MTR: variants seen among roughly 807,000 people sequenced by gnomAD.
The protein encoded by MTR is methionine synthase.
In MTR, 84 loss-of-function variants were observed where a neutral mutation model predicts 154.8. The ratio of observed to expected loss-of-function variants is 0.54; its 90% confidence interval spans 0.45 to 0.65. The LOEUF (loss-of-function observed/expected upper bound fraction) is 0.65, where lower values mean the gene tolerates loss of function less well. Ranked by LOEUF, MTR falls within the 30% of genes least tolerant of loss-of-function variation. The pLI, the probability that MTR is intolerant of heterozygous loss-of-function variation, is 0.00. For synonymous variants in MTR, 554 were observed against 553.9 expected (o/e 1.00, Z 0.00); for missense variants, 1,275 against 1,570.2 (o/e 0.81, Z 3.18).
At chr1:236,876,808 T>C (rs79547813) in intron 24 of MTR, among the ~76,000 whole-genome samples, 2,830 of 152,284 alleles carry the variant, frequency 0.019, 93 homozygotes, top group African/African-American at 0.065. Flanking sequence ...CAACCTGATA[T>C]ATCAGATTAG....
intron 12 of MTR, among the ~76,000 whole-genome samples, chr1:236,830,892 A>G (rs769930885): frequency 6.6e-6 from 1 of 151,968 alleles, no homozygotes; most frequent in Non-Finnish European, 1.5e-5. Flanking sequence ...TATAGTCATT[A>G]TTTTTCTCTG....
At chr1:236,897,310 G>GCGCGCACACACACACACACACACACA in intron 32 of MTR, among the ~76,000 whole-genome samples, 192 bp downstream of exon 32, 2 of 128,610 alleles carry the variant, frequency 1.6e-5, no homozygotes, top group Non-Finnish European at 3.4e-5. Flanking sequence ...CCACACACAC[G>GCGCGCACACACACACACACACACACA]CACACACACA....
chr1:236,897,494 T>C, intron 32 of MTR, 64 bp from the exon 33 acceptor site: 5 of 1,466,978 alleles, frequency 3.4e-6, no homozygotes, highest in Non-Finnish European at 4.8e-6. Context: ...GCAAATCTTG[T>C]GGAAACTTCT....
intron 16 of MTR, among the ~76,000 whole-genome samples, chr1:236,851,129 CA>C (rs770175672): frequency 5.9e-5 from 9 of 152,114 alleles, no homozygotes; most frequent in Non-Finnish European, 1.3e-4. Context: ...TTTGTGACCC[CA>C]AAATCAATAC....
chr1:236,878,720 G>T (rs1307353388), intron 24 of MTR, among the ~76,000 whole-genome samples: 2 of 152,230 alleles, frequency 1.3e-5, no homozygotes, highest in Admixed American at 1.3e-4. Context: ...TCTAGTGGAT[G>T]AATCGATATT....
intron 5 of MTR, chr1:236,811,776 T>A: frequency 4.6e-6 from 2 of 435,630 alleles, no homozygotes; most frequent in Non-Finnish European, 9.2e-6. Context: ...TAGCAGGCCC[T>A]CAAATAATGT....
chr1:236,797,940 A>G lies in MTR; in HGVS notation c.34+2203A>G, dbSNP rs1660487540. ...GCCACTGCACTCCATCCTGGGTGAGAGAGTGAGACTTAGTCTCCAAAAAAA... is the reference window on the plus strand; with the variant it reads ...GCCACTGCACTCCATCCTGGGTGAGGGAGTGAGACTTAGTCTCCAAAAAAA... On this transcript the variant is annotated intron_variant, in intron 1 of 32. Coordinates refer to ENST00000366577, the MANE Select transcript of MTR (RefSeq NM_000254.3). Among the ~76,000 whole-genome samples, 3 of 145,202 alleles carry G rather than the reference A, an allele frequency of 2.1e-5. 1 individual carries two copies. The highest frequency in any genetic ancestry group is 4.5e-4 in the South Asian group (2 of 4,408).
At position 236,897,711 on chromosome 1, in the gene MTR, A is replaced by G. The variant is rs181245868; in HGVS notation, c.*67A>G. On this transcript the variant is annotated 3_prime_UTR_variant, in exon 33 of 33. Transcript: ENST00000366577. ...AAGGAAATACAACCTAGGGTGCCTT[A>G]AAAATAACAACAACAAAAAACCTGT... 5.1e-6 allele frequency: 7 copies of G among 1,376,166 alleles called. No homozygotes were observed. In the African/African-American group the frequency reaches 1.0e-4, roughly 20 times the overall value. The allele number at this position is 1,376,166 out of a possible 1,614,324, so 85.2% of individuals were successfully genotyped here. A position where few individuals can be genotyped will look rare whatever the true frequency, so the allele number is the denominator to read the frequency against.
rs1188855462 is a variant in MTR, at chr1:236,795,507, G to A, written c.-197G>A. ...TCCAGCAGTTGCCGCGCCCAGCCCC[G>A]AGAGAGGCCCTAGGGCGCTGCGGGC... On this transcript the variant is annotated 5_prime_UTR_variant, in exon 1 of 33. Coordinates refer to ENST00000366577, the MANE Select transcript of MTR (RefSeq NM_000254.3). The A allele has an allele frequency of 6.6e-7, 1 of 1,523,256 alleles. No homozygotes were observed. The highest frequency in any genetic ancestry group is 8.8e-7 in the Non-Finnish European group (1 of 1,138,524). The allele number at this position is 1,523,256 out of a possible 1,614,324, so 94.4% of individuals were successfully genotyped here.
At chr1:236,808,316 G>A (rs1661100890) in intron 3 of MTR, among the ~76,000 whole-genome samples, 1 of 152,124 alleles carries the variant, frequency 6.6e-6, no homozygotes, top group African/African-American at 2.4e-5. Flanking sequence ...GCCTGGCCAG[G>A]CAGTGACAGA....
At chr1:236,869,495 A>C (rs571766822) in intron 22 of MTR, among the ~76,000 whole-genome samples, 1 of 152,144 alleles carries the variant, frequency 6.6e-6, no homozygotes. Flanking sequence ...TCCATACCCA[A>C]CCTCTCTTCT....
At chr1:236,868,748 G>A (rs1204820785) in intron 22 of MTR, among the ~76,000 whole-genome samples, 1 of 152,110 alleles carries the variant, frequency 6.6e-6, no homozygotes, top group African/African-American at 2.4e-5. Context: ...TAACTGTCTA[G>A]TATACGTAAA....
intron 22 of MTR, 92 bp from the exon 23 acceptor site, chr1:236,873,681 C>T (rs1411253727): frequency 2.0e-6 from 2 of 1,001,210 alleles, no homozygotes; most frequent in South Asian, 1.3e-5. Context: ...TACATTAGAG[C>T]AGTATTTAAT....
intron 12 of MTR, among the ~76,000 whole-genome samples, chr1:236,831,665 A>T (rs1012010511): frequency 6.6e-6 from 1 of 152,024 alleles, no homozygotes; most frequent in South Asian, 2.1e-4. Context: ...GTTGATGATT[A>T]TTTTTCCTTT....
At position 236,901,326 on chromosome 1, in the gene MTR, T is replaced by A. The variant is rs6676866; in HGVS notation, c.*3682T>A. On this transcript the variant is annotated 3_prime_UTR_variant, in exon 33 of 33. Coordinates refer to ENST00000366577, the MANE Select transcript of MTR (RefSeq NM_000254.3). ...TGGGAGGTGTGGAAGACTTGTTGAC[T>A]CATTTAAAGAAGATTGGAGGGAAAG... The A allele has an allele frequency of 1.3e-5, 2 of 151,902 alleles. No individual in the cohort carries two copies. The highest frequency in any genetic ancestry group is 4.9e-5 in the African/African-American group (2 of 41,028). 9.4% of individuals were successfully genotyped at this position (151,902 alleles called of 1,614,324 possible).
intron 6 of MTR, among the ~76,000 whole-genome samples, chr1:236,813,860 C>T (rs565614883): frequency 6.6e-6 from 1 of 151,834 alleles, no homozygotes; most frequent in South Asian, 2.1e-4. Flanking sequence ...TTTGTGTGTG[C>T]GTTTTAATGG....
chr1:236,841,698 G>A (rs1663247351), intron 15 of MTR, among the ~76,000 whole-genome samples: 1 of 143,994 alleles, frequency 6.9e-6, no homozygotes. Flanking sequence ...ATAGCTTCTT[G>A]TGAAAGAAAA....
chr1:236,815,721 A>G (rs1247456795), intron 7 of MTR, 58 bp downstream of exon 7: 2 of 1,544,276 alleles, frequency 1.3e-6, no homozygotes, highest in African/African-American at 1.4e-5. Flanking sequence ...CCTTTTGAGC[A>G]TGTTTTTCCC....
At chr1:236,890,281 C>T (rs775856596) in intron 28 of MTR, among the ~76,000 whole-genome samples, 2 of 152,090 alleles carry the variant, frequency 1.3e-5, no homozygotes, top group Non-Finnish European at 2.9e-5. Context: ...GTCCAGGGGC[C>T]GTGGGACAGG....
Sources: allele counts gnomAD v4.1 joint callset (sites outside exome capture counted in the v4.1 genomes callset), GRCh38; gene constraint gnomAD v4.1.1; transcripts MANE v1.5; gene names NCBI Gene and HGNC (gene_info 2026-07-23, HGNC 2026-07-21).